CENPP: variants seen among roughly 807,000 people sequenced by gnomAD.
CENPP encodes the protein centromere protein P.
Under a neutral mutation model 35.6 loss-of-function variants are expected in CENPP, and 24 were observed. The ratio of observed to expected loss-of-function variants is 0.67; its 90% CI spans 0.49 to 0.95. CENPP has a LOEUF of 0.95. Among genes scored for constraint, CENPP ranks in the 40% least tolerant of loss-of-function variants. CENPP has a pLI of 0.00. For missense variants in CENPP, 332 were observed against 345.3 expected, an observed-to-expected ratio of 0.96 and a Z score of 0.31; for synonymous variants, 120 against 125.5, an observed-to-expected ratio of 0.96 and a Z score of 0.29.
intron 5 of CENPP, among the ~76,000 whole-genome samples, chr9:92,483,886 C>T (rs937948415): frequency 6.6e-6 from 1 of 152,250 alleles, no homozygotes; most frequent in African/African-American, 2.4e-5. Flanking sequence ...CTCTGTAACT[C>T]AGGCCCCATC....
In CENPP at chr9:92,619,505, G is replaced by T; in HGVS notation, c.*6356G>T. The stretch of plus-strand genomic sequence containing the variant: ...CCTCACCTGGCATCCTGCAGACAGG[G>T]AGACAGTGCAATCATGATGGAGCAG... On this transcript the variant is annotated 3_prime_UTR_variant, in exon 8 of 8. Transcript: ENST00000375587. The T allele has an allele frequency of 6.3e-7, 1 of 1,592,126 alleles. No individual in the cohort carries two copies.
Position 92,613,117 on chromosome 9 carries a change from A to G in CENPP, c.835A>G (p.Ile279Val), listed in dbSNP as rs139994583. ...LGIEAALESLIKSLCAEENN is the reference protein window; with the variant it reads ...LGIEAALESLVKSLCAEENN The stretch of plus-strand genomic sequence containing the variant: ...AATCGAAGCTGCTCTGGAAAGCCTG[A>G]TAAAATCGCTTTGTGCAGAGGAGAA... Residue 279 changes from isoleucine (I) to valine (V), a missense_variant, in exon 8 of 8, where the codon ATA (isoleucine) becomes GTA (valine). Physicochemically the swap from Ile to Val is conservative, Grantham distance 29. Coordinates refer to ENST00000375587, the MANE Select transcript of CENPP (RefSeq NM_001012267.3). 1.9e-6 allele frequency: 3 copies of G among 1,614,106 alleles called. No individual in the cohort carries two copies. Among genetic ancestry groups the G allele is most frequent in the African/African-American group, 1.3e-5 (1 of 74,934 alleles).
rs972618767 is a variant in CENPP, at chr9:92,450,364, C to T, written c.564+70505C>T. On this transcript the variant is annotated intron_variant, in intron 5 of 7. Transcript: ENST00000375587. ...TGCGGTGTTTGGTTTTTTGTTCTTGCGATAGTTTACTGAGAACGATGATTT... is the reference window on the plus strand; with the variant it reads ...TGCGGTGTTTGGTTTTTTGTTCTTGTGATAGTTTACTGAGAACGATGATTT... Among the ~76,000 whole-genome samples the T allele has an allele frequency of 6.7e-4, 100 of 150,166 alleles. 1 individual carries two copies. The highest frequency in any genetic ancestry group is 1.0e-3 in the Admixed American group (15 of 14,946).
intron 5 of CENPP, among the ~76,000 whole-genome samples, chr9:92,460,297 G>C (rs1192683619): frequency 6.6e-6 from 1 of 152,100 alleles, no homozygotes; most frequent in Non-Finnish European, 1.5e-5. Flanking sequence ...GCCTCCCAAA[G>C]TGCTGGGATT....
chr9:92,538,821 C>T (rs751515314), intron 5 of CENPP, among the ~76,000 whole-genome samples: 48 of 152,284 alleles, frequency 3.2e-4, no homozygotes, highest in Middle Eastern at 3.4e-3. Context: ...GTGAGCATTA[C>T]CCGTGCCACA....
chr9:92,434,379 A>G (rs962598472), intron 5 of CENPP, among the ~76,000 whole-genome samples: 11 of 141,162 alleles, frequency 7.8e-5, no homozygotes, highest in Non-Finnish European at 1.7e-4. Context: ...ACTGGGCGAG[A>G]CTCTGTCTCA....
intron 5 of CENPP, among the ~76,000 whole-genome samples, chr9:92,438,743 A>G (rs928489561): frequency 6.6e-6 from 1 of 152,240 alleles, no homozygotes; most frequent in Admixed American, 6.5e-5. Flanking sequence ...ACTTGAGGTC[A>G]GGAGTTCGAG....
At chr9:92,567,121 A>G (rs150753533) in intron 5 of CENPP, among the ~76,000 whole-genome samples, 5 of 152,200 alleles carry the variant, frequency 3.3e-5, no homozygotes, top group Non-Finnish European at 7.4e-5. Context: ...GTATGTTACC[A>G]CTACATCTGT....
intron 5 of CENPP, among the ~76,000 whole-genome samples, chr9:92,418,840 A>G (rs993477038): frequency 2.0e-5 from 3 of 152,178 alleles, no homozygotes; most frequent in Admixed American, 6.5e-5. Flanking sequence ...CCAGAATCCA[A>G]TTATTTAGTC....
chr9:92,604,597 TTTTA>T (rs959304969), intron 5 of CENPP, among the ~76,000 whole-genome samples: 1 of 152,186 alleles, frequency 6.6e-6, no homozygotes, highest in Admixed American at 6.5e-5. Context: ...ATTTAGTTAG[TTTTA>T]TTTATTTTTT....
chr9:92,613,487 G>T lies in CENPP; in HGVS notation c.*338G>T. ...ACACCGAGTCCACCTTGGACATGGTGGCCACATTACTCAGCTGGGAGAAGC... is the reference window on the plus strand; with the variant it reads ...ACACCGAGTCCACCTTGGACATGGTTGCCACATTACTCAGCTGGGAGAAGC... On this transcript the variant is annotated 3_prime_UTR_variant, in exon 8 of 8. Transcript: ENST00000375587. 2 of 278,006 alleles carry T rather than the reference G, an allele frequency of 7.2e-6. No homozygotes were observed. Among genetic ancestry groups the T allele is most frequent in the Admixed American group, 4.5e-5 (1 of 22,338 alleles). The allele number at this position is 278,006 out of a possible 1,614,324, so 17.2% of individuals were successfully genotyped here.
At chr9:92,561,619 A>AT (rs1270175488) in intron 5 of CENPP, among the ~76,000 whole-genome samples, 1 of 152,162 alleles carries the variant, frequency 6.6e-6, no homozygotes, top group Non-Finnish European at 1.5e-5. Flanking sequence ...ACATTGAGTC[A>AT]TTTTTTACCA....
chr9:92,404,705 G>T, intron 5 of CENPP: 1 of 1,196,386 alleles, frequency 8.4e-7, no homozygotes, highest in Non-Finnish European at 1.1e-6. Flanking sequence ...GCAGTGTGTT[G>T]TACTAGAGAA....
chr9:92,419,157 A>G (rs2761678), intron 5 of CENPP, among the ~76,000 whole-genome samples: 1 of 152,002 alleles, frequency 6.6e-6, no homozygotes, highest in Non-Finnish European at 1.5e-5. Context: ...GGAAGGGTCA[A>G]TTATGTCCCA....
chr9:92,423,363 C>T (rs1323039431), intron 5 of CENPP, among the ~76,000 whole-genome samples: 1 of 152,022 alleles, frequency 6.6e-6, no homozygotes, highest in Non-Finnish European at 1.5e-5. Context: ...CACTCGTGTT[C>T]ATCAAGAAAA....
chr9:92,557,532 CTCTG>C (rs1157593864), intron 5 of CENPP, among the ~76,000 whole-genome samples: 2 of 152,136 alleles, frequency 1.3e-5, no homozygotes, highest in African/African-American at 4.8e-5. Flanking sequence ...ATTCTTTTTT[CTCTG>C]TCTTTGTTGG....
At chr9:92,377,897 G>T (rs1477361194) in intron 4 of CENPP, among the ~76,000 whole-genome samples, 1 of 146,396 alleles carries the variant, frequency 6.8e-6, no homozygotes, top group African/African-American at 2.5e-5. Flanking sequence ...TTTATGTAGG[G>T]GTTATTTAGG....
chr9:92,348,430 T>A (rs1841358189), intron 4 of CENPP, among the ~76,000 whole-genome samples: 1 of 151,916 alleles, frequency 6.6e-6, no homozygotes, highest in Non-Finnish European at 1.5e-5. Flanking sequence ...TTCGCTCTTT[T>A]TGCCCAGGCT....
chr9:92,327,592 A>C (rs1432281420), intron 1 of CENPP, among the ~76,000 whole-genome samples: 1 of 152,250 alleles, frequency 6.6e-6, no homozygotes, highest in African/African-American at 2.4e-5. Context: ...CCTGTACGTC[A>C]AAAGTTGAAG....
Sources: allele counts gnomAD v4.1 joint callset (sites outside exome capture counted in the v4.1 genomes callset), GRCh38; gene constraint gnomAD v4.1.1; transcripts MANE v1.5; gene names NCBI Gene and HGNC (gene_info 2026-07-23, HGNC 2026-07-21).